Variants in DNAH9 observed in about 807,000 individuals in gnomAD.
The protein encoded by DNAH9 is DNAH9 variant protein.
Under a neutral mutation model 471.6 loss-of-function variants are expected in DNAH9, and 345 were observed. That is an observed-to-expected ratio of 0.73 (90% confidence interval 0.67 to 0.80). The LOEUF (loss-of-function observed/expected upper bound fraction) is 0.80, where lower values mean the gene tolerates loss of function less well. Among genes scored for constraint, DNAH9 ranks in the 30% least tolerant of loss-of-function variants. DNAH9 has a pLI of 0.00. For synonymous variants in DNAH9, 2,093 were observed against 2,123.6 expected (o/e 0.99, Z 0.40); for missense variants, 5,407 against 5,609.2 (o/e 0.96, Z 1.15).
intron 50 of DNAH9, among the ~76,000 whole-genome samples, chr17:11,856,153 T>C (rs1487770126): frequency 6.6e-6 from 1 of 152,188 alleles, no homozygotes; most frequent in African/African-American, 2.4e-5. Context: ...ACCTCTTGCA[T>C]GGACTCAATC....
At chr17:11,662,120 GT>G (rs1387001293) in intron 14 of DNAH9, among the ~76,000 whole-genome samples, 5 of 152,096 alleles carry the variant, frequency 3.3e-5, no homozygotes, top group Admixed American at 6.5e-5. Context: ...TCTTTTGGAA[GT>G]TATTTCATTA....
intron 68 of DNAH9, 131 bp from the exon 69 acceptor site, chr17:11,969,169 G>T: frequency 1.4e-6 from 1 of 729,064 alleles, no homozygotes; most frequent in Non-Finnish European, 2.3e-6. Context: ...GAGAAAACCT[G>T]GAAGGGGGCA....
intron 49 of DNAH9, among the ~76,000 whole-genome samples, chr17:11,844,252 A>C (rs1012550765): frequency 2.0e-5 from 3 of 152,182 alleles, no homozygotes; most frequent in African/African-American, 7.2e-5. Context: ...AGATCACAAA[A>C]TACCATAAAC....
At position 11,756,052 on chromosome 17, in the gene DNAH9, G is replaced by A. The variant is rs568716484; in HGVS notation, c.6739-516G>A. Among the ~76,000 whole-genome samples the A allele has an allele frequency of 1.9e-4, 29 of 152,116 alleles. 1 individual carries two copies. Among genetic ancestry groups the A allele is most frequent in the East Asian group, 3.9e-4 (2 of 5,158 alleles). On this transcript the variant is annotated intron_variant, in intron 33 of 68. Transcript: ENST00000262442. ...AGCACTTTGGGAAGCTGAGGTGGGC[G>A]GATCACGAGGTCAGGAGATCAAGAC...
intron 28 of DNAH9, among the ~76,000 whole-genome samples, chr17:11,733,712 G>A (rs571917019): frequency 1.1e-4 from 16 of 151,960 alleles, no homozygotes; most frequent in Non-Finnish European, 2.1e-4. Context: ...CAAAAAATTA[G>A]CCAGGCATGG....
In DNAH9 at chr17:11,629,629, G is replaced by C. The variant is rs1353304509; in HGVS notation, c.1518+45G>C. The C allele has an allele frequency of 1.9e-6, 3 of 1,577,738 alleles. No homozygotes were observed. In the Admixed American group the frequency reaches 5.1e-5, roughly 27 times the overall value. ...AATCGCCAGCTCTGCCTCTGTCCCG[G>C]ATGCCTCTCATCTGTAGGGTCTAGG... On this transcript the variant is annotated intron_variant, in intron 7 of 68. Transcript: ENST00000262442.
chr17:11,659,297 A>G (rs986002507), intron 14 of DNAH9, among the ~76,000 whole-genome samples: 13 of 152,184 alleles, frequency 8.5e-5, no homozygotes, highest in Non-Finnish European at 1.9e-4. Context: ...TCTTATTATC[A>G]TTATGTGTTG....
chr17:11,943,681 A>G (rs1476114394), intron 67 of DNAH9, among the ~76,000 whole-genome samples: 1 of 152,180 alleles, frequency 6.6e-6, no homozygotes, highest in Non-Finnish European at 1.5e-5. Flanking sequence ...CGTCTCAAAA[A>G]AAACAAAAAC....
intron 27 of DNAH9, among the ~76,000 whole-genome samples, chr17:11,727,047 CAAAAAAAAAAAAAAAAAA>C (rs55659834): frequency 1.5e-5 from 1 of 68,464 alleles, no homozygotes; most frequent in Non-Finnish European, 2.5e-5. Flanking sequence ...GACTCCGTCT[CAAAAAAAAAAAAAAAAAA>C]AAAAAAAAAA....
intron 61 of DNAH9, among the ~76,000 whole-genome samples, chr17:11,917,870 C>T (rs1974006816): frequency 6.6e-6 from 1 of 152,118 alleles, no homozygotes; most frequent in Admixed American, 6.6e-5. Context: ...CCCCTTCTTG[C>T]CCTGATGCCG....
chr17:11,841,714 T>C (rs374713052), intron 49 of DNAH9, among the ~76,000 whole-genome samples: 2 of 152,236 alleles, frequency 1.3e-5, no homozygotes, highest in South Asian at 2.1e-4. Context: ...AGGAATTTCC[T>C]TGTGGGCAAA....
In DNAH9 at chr17:11,694,011, C is replaced by T. The variant is rs1221134379; in HGVS notation, c.4745+13C>T. The T allele has an allele frequency of 1.9e-6, 3 of 1,609,670 alleles. No homozygotes were observed. The highest frequency in any genetic ancestry group is 1.7e-5 in the Admixed American group (1 of 58,064). Reference sequence around the variant, plus strand: ...ATATTCAGGGCAGGTGAGGGTCCGCCCATTACCCCTTCTCTAATAAGAAGG... The same window carrying T: ...ATATTCAGGGCAGGTGAGGGTCCGCTCATTACCCCTTCTCTAATAAGAAGG... On this transcript the variant is annotated intron_variant, in intron 21 of 68. Transcript: ENST00000262442.
intron 35 of DNAH9, among the ~76,000 whole-genome samples, chr17:11,762,758 G>GTTTTTTTTGTTGTTTTTTTTTTTTTTTTT: frequency 1.1e-5 from 1 of 94,776 alleles, no homozygotes; most frequent in Middle Eastern, 7.0e-3. Context: ...CTTTAGGTGC[G>GTTTTTTTTGTTGTTTTTTTTTTTTTTTTT]TTTTTTTTTT....
intron 42 of DNAH9, among the ~76,000 whole-genome samples, chr17:11,796,995 C>G (rs529657900): frequency 6.6e-6 from 1 of 152,070 alleles, no homozygotes; most frequent in African/African-American, 2.4e-5. Context: ...ACACACAGCC[C>G]GAAAGTGTTG....
In DNAH9 at chr17:11,704,328, C is replaced by A. The variant is rs770163503; in HGVS notation, c.5277C>A (p.Thr1759=). 4.3e-6 allele frequency: 7 copies of A among 1,614,148 alleles called. No individual in the cohort carries two copies. In the East Asian group the frequency reaches 1.3e-4, roughly 31 times the overall value. The change falls in exon 25 of 69, where the codon ACC becomes ACA. Residue 1759 remains threonine (T), a synonymous_variant. Coordinates refer to ENST00000262442, the MANE Select transcript of DNAH9 (RefSeq NM_001372.4). ...YYKKQVAQLK[T]LITMLIGQLS... is the part of the protein sequence containing the mutation. ...AGAAGCAAGTGGCCCAGCTCAAAAC[C>A]CTTATCACCATGCTGATTGGCCAGC...
At chr17:11,598,990 C>A in intron 1 of DNAH9, 75 bp downstream of exon 1, 2 of 186,128 alleles carry the variant, frequency 1.1e-5, no homozygotes, top group Admixed American at 1.4e-4. Flanking sequence ...GGGACGGAGG[C>A]GGGGCCAGAG....
At chr17:11,827,264 C>T (rs183759837) in intron 48 of DNAH9, among the ~76,000 whole-genome samples, 2 of 152,250 alleles carry the variant, frequency 1.3e-5, no homozygotes, top group East Asian at 1.9e-4. Context: ...ATAAAATACC[C>T]GAGGCTGGGT....
chr17:11,604,683 A>C (rs1330503481), intron 1 of DNAH9, among the ~76,000 whole-genome samples: 2 of 152,108 alleles, frequency 1.3e-5, no homozygotes, highest in Non-Finnish European at 2.9e-5. Flanking sequence ...CAGATCTTAG[A>C]GTCATCCTGA....
At chr17:11,968,688 A>G (rs370771305) in intron 68 of DNAH9, among the ~76,000 whole-genome samples, 2 of 152,230 alleles carry the variant, frequency 1.3e-5, no homozygotes, top group East Asian at 3.8e-4. Context: ...GGCTCCGCAG[A>G]ACATTTCTCG....
Sources: gnomAD v4.1 joint callset for allele counts (sites outside exome capture counted in the v4.1 genomes callset) on GRCh38, gnomAD v4.1.1 for gene constraint, MANE v1.5 for transcripts, NCBI Gene and HGNC (gene_info 2026-07-23, HGNC 2026-07-21) for gene names.